Variants in DDX19A observed in about 807,000 individuals in gnomAD.
DDX19A encodes ATP-dependent RNA helicase DDX19A.
Under a neutral mutation model 60.6 loss-of-function variants are expected in DDX19A, and 12 were observed. The observed-to-expected ratio is 0.20, with a 90% confidence interval of 0.13 to 0.32. The LOEUF (loss-of-function observed/expected upper bound fraction) is 0.32, where lower values mean the gene tolerates loss of function less well. Ranked by LOEUF, DDX19A falls within the 10% of genes least tolerant of loss-of-function variation. The probability of loss-of-function intolerance (pLI) is 1.00; values close to 1 mark genes in which losing one functional copy is unlikely to be tolerated. For missense variants in DDX19A, 337 were observed against 600.6 expected, an observed-to-expected ratio of 0.56 and a Z score of 4.59; for synonymous variants, 206 against 218.2, an observed-to-expected ratio of 0.94 and a Z score of 0.49.
intron 1 of DDX19A, among the ~76,000 whole-genome samples, chr16:70,348,535 G>C (rs8051869): frequency 0.071 from 10,659 of 150,688 alleles, 1,265 homozygotes; most frequent in African/African-American, 0.25. Context: ...GCTGAGGCAT[G>C]AGAATTGCTT....
chr16:70,367,667 C>T (rs888579659), intron 9 of DDX19A, among the ~76,000 whole-genome samples: 8 of 152,050 alleles, frequency 5.3e-5, no homozygotes, highest in African/African-American at 1.9e-4. Context: ...CACCTGAGGT[C>T]GGGAGTTGGA....
At chr16:70,350,521 C>T in intron 1 of DDX19A, 36 bp from the exon 2 acceptor site, 1 of 1,561,168 alleles carries the variant, frequency 6.4e-7, no homozygotes, top group Non-Finnish European at 8.7e-7. Flanking sequence ...TTATTGGGTC[C>T]TTTGCTTAAC....
At chr16:70,357,371 T>TGGTTTG (rs1317347666) in intron 4 of DDX19A, among the ~76,000 whole-genome samples, 1 of 31,618 alleles carries the variant, frequency 3.2e-5, no homozygotes, top group Non-Finnish European at 7.4e-5. Context: ...GGTTTGTTTT[T>TGGTTTG]TTTTTTTTTT....
chr16:70,350,624 C>A lies in DDX19A; in HGVS notation c.106+19C>A. ...ACCAATGGTGAGTCACTAGTAACTA[C>A]AAGCTAGAAAAGAGTTCCATGTGGG... On this transcript the variant is annotated intron_variant, in intron 2 of 11. Coordinates refer to ENST00000302243, the MANE Select transcript of DDX19A (RefSeq NM_018332.5). The A allele has an allele frequency of 6.2e-7, 1 of 1,600,872 alleles. No individual in the cohort carries two copies. The highest frequency in any genetic ancestry group is 8.5e-7 in the Non-Finnish European group (1 of 1,170,940).
At chr16:70,361,306 G>C in intron 4 of DDX19A, 112 bp from the exon 5 acceptor site, 1 of 825,652 alleles carries the variant, frequency 1.2e-6, no homozygotes, top group Non-Finnish European at 2.0e-6. Flanking sequence ...AGGAAAATAC[G>C]TCTGACAGAG....
chr16:70,370,003 T>C (rs1964634954), intron 9 of DDX19A, among the ~76,000 whole-genome samples: 1 of 152,142 alleles, frequency 6.6e-6, no homozygotes, highest in South Asian at 2.1e-4. Context: ...AATTTAGCTT[T>C]TAGCTGCTAA....
At chr16:70,352,388 G>A (rs943575256) in intron 2 of DDX19A, among the ~76,000 whole-genome samples, 2 of 150,800 alleles carry the variant, frequency 1.3e-5, no homozygotes, top group Non-Finnish European at 2.9e-5. Context: ...GGGTTCAAGC[G>A]ATTCTCCTGC....
intron 2 of DDX19A, among the ~76,000 whole-genome samples, chr16:70,353,856 G>A (rs58328210): frequency 0.069 from 10,409 of 149,908 alleles, 1,236 homozygotes; most frequent in African/African-American, 0.24. Context: ...AGCCGAGATC[G>A]TGCCACTGCA....
Position 70,347,065 on chromosome 16 carries a change from C to T in DDX19A, c.57+17C>T. ...GTCAAGTCGGTCAGTAGCTCAGCTC[C>T]TGGCGAGGAGGACGTAGCAGGGGCC... On this transcript the variant is annotated intron_variant, in intron 1 of 11. Coordinates refer to ENST00000302243, the MANE Select transcript of DDX19A (RefSeq NM_018332.5). The T allele has an allele frequency of 6.2e-7, 1 of 1,608,734 alleles. No homozygotes were observed. The highest frequency in any genetic ancestry group is 8.5e-7 in the Non-Finnish European group (1 of 1,178,606).
chr16:70,355,979 C>T, intron 3 of DDX19A, 133 bp from the exon 4 acceptor site: 1 of 1,123,230 alleles, frequency 8.9e-7, no homozygotes, highest in Non-Finnish European at 1.3e-6. Context: ...TAAATAGAGA[C>T]CTATCAGTGT....
At chr16:70,365,921 C>T in intron 7 of DDX19A, 164 bp from the exon 8 acceptor site, 3 of 1,010,924 alleles carry the variant, frequency 3.0e-6, no homozygotes, top group African/African-American at 1.6e-5. Context: ...TGTCATTCTG[C>T]CCACTTCACA....
chr16:70,361,693 C>G, intron 5 of DDX19A, 183 bp downstream of exon 5: 2 of 554,964 alleles, frequency 3.6e-6, no homozygotes. Flanking sequence ...TCCCACTTAA[C>G]AATAGAAACT....
chr16:70,352,457 G>A (rs189620810), intron 2 of DDX19A, among the ~76,000 whole-genome samples: 4 of 151,556 alleles, frequency 2.6e-5, no homozygotes, highest in Admixed American at 2.6e-4. Context: ...GCTAATTTTT[G>A]TATTTTTAGT....
chr16:70,370,811 TATGG>T, intron 10 of DDX19A: 1 of 185,996 alleles, frequency 5.4e-6, no homozygotes, highest in Admixed American at 5.3e-5. Flanking sequence ...GCCTGACCAA[TATGG>T]TGAAACCCCA....
At chr16:70,358,141 G>A (rs146330699) in intron 4 of DDX19A, among the ~76,000 whole-genome samples, 252 of 151,982 alleles carry the variant, frequency 1.7e-3, no homozygotes, top group African/African-American at 5.5e-3. Context: ...AGCGATTCTC[G>A]TTCCTCAGCC....
Position 70,346,982 on chromosome 16 carries a change from G to C in DDX19A, c.-10G>C, listed in dbSNP as rs1963849690. The C allele has an allele frequency of 1.9e-6, 3 of 1,611,648 alleles. No individual in the cohort carries two copies. Among genetic ancestry groups the C allele is most frequent in the Non-Finnish European group, 2.5e-6 (3 of 1,179,450 alleles). On this transcript the variant is annotated 5_prime_UTR_variant, in exon 1 of 12. Transcript: ENST00000302243. ...ATATTTTCACAAGTGGGTCTCCCTT[G>C]TCCGGGACTATGGCCACCGACTCGT...
At chr16:70,356,519 G>A (rs984469959) in intron 4 of DDX19A, among the ~76,000 whole-genome samples, 1 of 151,932 alleles carries the variant, frequency 6.6e-6, no homozygotes, top group Admixed American at 6.6e-5. Context: ...ACCATGTCAA[G>A]CTAATTTTTT....
intron 2 of DDX19A, among the ~76,000 whole-genome samples, chr16:70,352,563 G>A (rs150300272): frequency 0.037 from 5,490 of 148,156 alleles, 341 homozygotes; most frequent in East Asian, 0.25. Context: ...GATTACAGGC[G>A]TGAGCCACTG....
chr16:70,359,313 G>A (rs969130650), intron 4 of DDX19A, among the ~76,000 whole-genome samples: 10 of 152,264 alleles, frequency 6.6e-5, no homozygotes, highest in African/African-American at 2.4e-4. Context: ...TCTCCCAAAT[G>A]GAAGATATGA....
Sources: gnomAD v4.1 joint callset for allele counts (sites outside exome capture counted in the v4.1 genomes callset) on GRCh38, gnomAD v4.1.1 for gene constraint, MANE v1.5 for transcripts, NCBI Gene and HGNC (gene_info 2026-07-23, HGNC 2026-07-21) for gene names.